CDK8: variants seen among roughly 807,000 people sequenced by gnomAD.
The protein encoded by CDK8 is cyclin-dependent kinase 8.
Under a neutral mutation model 71.5 loss-of-function variants are expected in CDK8, and 29 were observed. The ratio of observed to expected loss-of-function variants is 0.41; its 90% CI spans 0.30 to 0.55. The LOEUF is 0.55. Ranked by LOEUF, CDK8 falls within the 20% of genes least tolerant of loss-of-function variation. The probability of loss-of-function intolerance (pLI) is 0.37; values close to 1 mark genes in which losing one functional copy is unlikely to be tolerated. For missense variants in CDK8, 288 were observed against 572.6 expected, an observed-to-expected ratio of 0.50 and a Z score of 5.07; for synonymous variants, 161 against 192.1, an observed-to-expected ratio of 0.84 and a Z score of 1.34.
chr13:26,359,862 T>G, intron 4 of CDK8: 1 of 225,404 alleles, frequency 4.4e-6, no homozygotes, highest in Non-Finnish European at 9.3e-6. Context: ...ATTACAGGCG[T>G]GTACCACCAC....
intron 1 of CDK8, among the ~76,000 whole-genome samples, chr13:26,291,118 CAAA>C (rs11448258): frequency 0.25 from 34,823 of 139,396 alleles, 4,649 homozygotes; most frequent in East Asian, 0.44. Context: ...GCCTCCATCT[CAAA>C]AAAAAAAAAA....
At chr13:26,282,099 T>A (rs565116003) in intron 1 of CDK8, among the ~76,000 whole-genome samples, 1 of 151,860 alleles carries the variant, frequency 6.6e-6, no homozygotes, top group Non-Finnish European at 1.5e-5. Flanking sequence ...CTATAATTGG[T>A]GGTCCTGAGG....
rs116129281 is a variant in CDK8 at position 26,289,429 on chromosome 13, T to C, written c.128+34660T>C. The stretch of plus-strand genomic sequence containing the variant: ...ATACGTAGGTATTTGATGTTTGTTT[T>C]GATATCCTACTGTAAATTTATATTG... On this transcript the variant is annotated intron_variant, in intron 1 of 12. Transcript: ENST00000381527. Among the ~76,000 whole-genome samples the C allele has an allele frequency of 2.3e-3, 355 of 152,346 alleles. 3 individuals carry two copies. The highest frequency in any genetic ancestry group is 8.3e-3 in the African/African-American group (344 of 41,590).
At chr13:26,383,891 A>G (rs1251184364) in intron 5 of CDK8, among the ~76,000 whole-genome samples, 1 of 152,196 alleles carries the variant, frequency 6.6e-6, no homozygotes, top group Non-Finnish European at 1.5e-5. Context: ...ACCTGTCGGC[A>G]CTCACCCTAG....
Position 26,371,997 on chromosome 13 carries a change from A to G in CDK8, c.457-10817A>G, listed in dbSNP as rs146539070. ...CAAAAATTATAGATTACAGCCATGT[A>G]ATTTAATAGGTTACGTGGCATTTAG... On this transcript the variant is annotated intron_variant, in intron 4 of 12. Transcript: ENST00000381527. Among the ~76,000 whole-genome samples, 919 of 152,324 alleles carry G rather than the reference A, an allele frequency of 6.0e-3. 34 individuals are homozygous for G. Among genetic ancestry groups the G allele is most frequent in the Admixed American group, 0.051 (785 of 15,292 alleles).
Position 26,382,497 on chromosome 13 carries a change from G to A in CDK8, c.457-317G>A, listed in dbSNP as rs967566387. On this transcript the variant is annotated intron_variant, in intron 4 of 12. Transcript: ENST00000381527. Reference sequence around the variant, plus strand: ...TTAAAGTCAGAGCAAGACATTTTATGTACTTGAAAGAGTGAGAAGGAACCA... The same window carrying A: ...TTAAAGTCAGAGCAAGACATTTTATATACTTGAAAGAGTGAGAAGGAACCA... Among the ~76,000 whole-genome samples, 5 of 152,226 alleles carry A rather than the reference G, an allele frequency of 3.3e-5. No individual in the cohort carries two copies. The South Asian group carries it at 6.2e-4, about 19-fold the overall frequency.
At chr13:26,260,207 G>C (rs948002933) in intron 1 of CDK8, among the ~76,000 whole-genome samples, 2 of 152,106 alleles carry the variant, frequency 1.3e-5, no homozygotes, top group South Asian at 4.2e-4. Flanking sequence ...TTGAGTTCTT[G>C]CTGTACGTGT....
At chr13:26,312,358 A>C (rs916876685) in intron 1 of CDK8, among the ~76,000 whole-genome samples, 1 of 152,032 alleles carries the variant, frequency 6.6e-6, no homozygotes, top group African/African-American at 2.4e-5. Flanking sequence ...TTCACGATAA[A>C]TCTTGCTGCT....
intron 1 of CDK8, among the ~76,000 whole-genome samples, chr13:26,255,144 C>T (rs1871465242): frequency 3.3e-5 from 5 of 151,680 alleles, no homozygotes; most frequent in Middle Eastern, 3.4e-3. Flanking sequence ...GGGATTTCCT[C>T]ACCCGCCTCT....
chr13:26,344,089 C>G (rs1169242489), intron 2 of CDK8, among the ~76,000 whole-genome samples: 1 of 152,096 alleles, frequency 6.6e-6, no homozygotes, highest in Non-Finnish European at 1.5e-5. Flanking sequence ...TTGTTGCTAT[C>G]TTTATGTCCA....
At chr13:26,257,641 C>T (rs1871582185) in intron 1 of CDK8, among the ~76,000 whole-genome samples, 1 of 152,050 alleles carries the variant, frequency 6.6e-6, no homozygotes, top group Non-Finnish European at 1.5e-5. Context: ...CTCCTCTTTG[C>T]AGAGTTTAGG....
intron 5 of CDK8, among the ~76,000 whole-genome samples, chr13:26,384,693 TA>T (rs112683099): frequency 1.3e-5 from 2 of 152,022 alleles, no homozygotes; most frequent in Admixed American, 6.6e-5. Flanking sequence ...ACCTAGCTTT[TA>T]AAAAAAATAC....
At chr13:26,290,842 C>T (rs917626309) in intron 1 of CDK8, among the ~76,000 whole-genome samples, 23 of 152,058 alleles carry the variant, frequency 1.5e-4, no homozygotes, top group African/African-American at 5.3e-4. Context: ...CTGGGCCAGG[C>T]GCGGTGGCTC....
Position 26,254,584 on chromosome 13 carries a change from T to G in CDK8, c.-58T>G, listed in dbSNP as rs2137842195. On this transcript the variant is annotated 5_prime_UTR_variant, in exon 1 of 13. Coordinates refer to ENST00000381527, the MANE Select transcript of CDK8 (RefSeq NM_001260.3). This position sits in a 1 kb window ranked among gnomAD's most constrained non-coding sequence, Gnocchi z 6.7. ...GCTGCGGCTGCCCGTGCTTCCCCGG[T>G]CCCCACCCCTGCCCCCCGGCCCCCC... 5.4e-5 allele frequency: 70 copies of G among 1,291,092 alleles called. No homozygotes were observed. Among genetic ancestry groups the G allele is most frequent in the South Asian group, 6.8e-5 (5 of 73,170 alleles). 80.0% of individuals were successfully genotyped at this position (1,291,092 alleles called of 1,614,324 possible).
At chr13:26,258,386 G>T (rs1470893512) in intron 1 of CDK8, among the ~76,000 whole-genome samples, 3 of 151,690 alleles carry the variant, frequency 2.0e-5, no homozygotes, top group African/African-American at 4.8e-5. Flanking sequence ...GTACTTTCTG[G>T]GTATATTGCT....
chr13:26,274,409 C>T (rs1248799952), intron 1 of CDK8, among the ~76,000 whole-genome samples: 6 of 150,356 alleles, frequency 4.0e-5, no homozygotes, highest in Admixed American at 1.3e-4. Context: ...TCATATTTTG[C>T]GTGTTTTCTG....
chr13:26,324,754 AT>A (rs543947223), intron 1 of CDK8: 56 of 568,786 alleles, frequency 9.8e-5, no homozygotes, highest in South Asian at 1.6e-4. Context: ...ATAAGTTTAA[AT>A]TTTTTTTTCT....
intron 4 of CDK8, among the ~76,000 whole-genome samples, chr13:26,374,764 A>G (rs1445255518): frequency 6.6e-6 from 1 of 152,204 alleles, no homozygotes; most frequent in East Asian, 1.9e-4. Context: ...TATATGATGT[A>G]GATATGAGAT....
At chr13:26,261,080 A>G (rs1871749468) in intron 1 of CDK8, among the ~76,000 whole-genome samples, 5 of 152,190 alleles carry the variant, frequency 3.3e-5, no homozygotes. Flanking sequence ...GCAATCTTTT[A>G]TCACCTCAAG....
Sources: allele counts gnomAD v4.1 joint callset (sites outside exome capture counted in the v4.1 genomes callset), GRCh38; gene constraint gnomAD v4.1.1; non-coding constraint Gnocchi (gnomAD v3.1); transcripts MANE v1.5; gene names NCBI Gene and HGNC (gene_info 2026-07-23, HGNC 2026-07-21).